Variants in AGBL4 observed in about 807,000 individuals in gnomAD.
AGBL4 encodes AGBL carboxypeptidase 4, also known as cytosolic carboxypeptidase 6.
In AGBL4, 58 loss-of-function variants were observed where a neutral mutation model predicts 66.4. The ratio of observed to expected loss-of-function variants is 0.87; its 90% CI spans 0.71 to 1.09. The LOEUF is 1.09. AGBL4 is among the 50% of genes least tolerant of loss of function. AGBL4 has a pLI of 0.00. For synonymous variants in AGBL4, 234 were observed against 222.9 expected (o/e 1.05, Z -0.44); for missense variants, 579 against 631.0 (o/e 0.92, Z 0.88).
At chr1:48,674,341 C>T (rs1040815836) in intron 6 of AGBL4, among the ~76,000 whole-genome samples, 1 of 152,154 alleles carries the variant, frequency 6.6e-6, no homozygotes, top group Non-Finnish European at 1.5e-5. Flanking sequence ...AGGAATAAGA[C>T]TCAAGAGGTG....
intron 1 of AGBL4, among the ~76,000 whole-genome samples, chr1:49,879,953 C>T (rs1297771927): frequency 1.4e-5 from 2 of 146,228 alleles, no homozygotes; most frequent in African/African-American, 5.1e-5. Context: ...TTGATCGCAT[C>T]GGCTCCTGAG....
chr1:48,878,028 C>T (rs928278192), intron 5 of AGBL4, among the ~76,000 whole-genome samples: 3 of 151,968 alleles, frequency 2.0e-5, no homozygotes, highest in African/African-American at 7.3e-5. Flanking sequence ...TTTCATATTA[C>T]AAGAAATATT....
At chr1:48,594,351 TAAATC>T (rs1644964246) in intron 9 of AGBL4, among the ~76,000 whole-genome samples, 1 of 152,090 alleles carries the variant, frequency 6.6e-6, no homozygotes, top group African/African-American at 2.4e-5. Context: ...AATAATAAAA[TAAATC>T]AATAAAAGTA....
At chr1:48,564,428 C>T (rs1307743976) in intron 11 of AGBL4, among the ~76,000 whole-genome samples, 1 of 151,630 alleles carries the variant, frequency 6.6e-6, no homozygotes, top group Non-Finnish European at 1.5e-5. Context: ...CCCCACCACA[C>T]TAGATGACAT....
intron 3 of AGBL4, among the ~76,000 whole-genome samples, chr1:49,486,726 A>T (rs374820553): frequency 6.6e-6 from 1 of 152,068 alleles, no homozygotes; most frequent in African/African-American, 2.4e-5. Flanking sequence ...GGCGTAAGTA[A>T]TCATTCCTCA....
At chr1:49,852,847 C>T (rs1320121831) in intron 1 of AGBL4, among the ~76,000 whole-genome samples, 1 of 151,856 alleles carries the variant, frequency 6.6e-6, no homozygotes, top group Non-Finnish European at 1.5e-5. Flanking sequence ...ACTCAATCAC[C>T]CCAGCCAGCC....
intron 1 of AGBL4, among the ~76,000 whole-genome samples, chr1:49,992,534 C>T (rs543281229): frequency 1.2e-4 from 18 of 151,542 alleles, no homozygotes; most frequent in Non-Finnish European, 2.1e-4. Context: ...TCATTTCTTA[C>T]CTGGCATACT....
Position 49,465,210 on chromosome 1 carries a change from TACACACACACACACACACACAC to T in AGBL4, c.283-219368_283-219347del, listed in dbSNP as rs3054630. Among the ~76,000 whole-genome samples the T allele has an allele frequency of 2.6e-4, 30 of 116,836 alleles. No homozygotes were observed. In the East Asian group the frequency reaches 2.9e-3, roughly 11 times the overall value. The allele number at this position is 116,836 out of a possible 152,430, so 76.6% of individuals were successfully genotyped here. On this transcript the variant is annotated intron_variant, in intron 3 of 13. Transcript: ENST00000371839. ...CTGTATTCCCTACCCTACCCCTACA[TACACACACACACACACACACAC>T]ACACACACACACACACACACACACA...
chr1:48,539,764 A>G (rs2148261023), intron 11 of AGBL4, 26 bp from the exon 12 acceptor site: 1 of 1,441,264 alleles, frequency 6.9e-7, no homozygotes, highest in African/African-American at 1.4e-5. Context: ...TTAAGGAGCA[A>G]CTTCGAAAAC....
At chr1:49,425,842 AG>A (rs1488515750) in intron 3 of AGBL4, among the ~76,000 whole-genome samples, 2 of 152,234 alleles carry the variant, frequency 1.3e-5, no homozygotes, top group Non-Finnish European at 2.9e-5. Flanking sequence ...TACAGTACAT[AG>A]TCTTTGTCAC....
In AGBL4 at chr1:49,936,529, T is replaced by C. The variant is rs1165678815; in HGVS notation, c.35-85011A>G. 5.9e-5 allele frequency among the ~76,000 whole-genome samples: 9 copies of C among 151,890 alleles called. No individual in the cohort carries two copies. In the South Asian group the frequency reaches 8.3e-4, roughly 14 times the overall value. On this transcript the variant is annotated intron_variant, in intron 1 of 13. Coordinates refer to ENST00000371839, the MANE Select transcript of AGBL4 (RefSeq NM_032785.4). ...TCGAGAAGAGCAACTCCAGGACACATAATTGTCAGATTCACCAAAGTTGAA... is the reference window on the plus strand; with the variant it reads ...TCGAGAAGAGCAACTCCAGGACACACAATTGTCAGATTCACCAAAGTTGAA...
At chr1:48,622,685 T>C (rs1645435763) in intron 9 of AGBL4, among the ~76,000 whole-genome samples, 2 of 152,070 alleles carry the variant, frequency 1.3e-5, no homozygotes, top group Admixed American at 6.6e-5. Context: ...GGTTTCACCA[T>C]GTTGGCCAGG....
At position 49,074,908 on chromosome 1, in the gene AGBL4, G is replaced by A. The variant is rs181687633; in HGVS notation, c.378-29108C>T. ...ATTCCACATCTTGCCCTCAGCTAGC[G>A]AGAGATTCACTCTTTTCCTAAACTC... On this transcript the variant is annotated intron_variant, in intron 4 of 13. Transcript: ENST00000371839. Among the ~76,000 whole-genome samples, 353 of 152,198 alleles carry A rather than the reference G, an allele frequency of 2.3e-3. 3 individuals are homozygous for A. The highest frequency in any genetic ancestry group is 2.9e-3 in the Admixed American group (44 of 15,290).
intron 3 of AGBL4, among the ~76,000 whole-genome samples, chr1:49,639,458 G>A (rs1645739914): frequency 6.6e-6 from 1 of 152,148 alleles, no homozygotes; most frequent in Non-Finnish European, 1.5e-5. Context: ...TCAACAGTCT[G>A]GAGCATATTC....
At chr1:49,890,499 T>C (rs1648533538) in intron 1 of AGBL4, among the ~76,000 whole-genome samples, 1 of 152,176 alleles carries the variant, frequency 6.6e-6, no homozygotes, top group Non-Finnish European at 1.5e-5. Flanking sequence ...CTATGGAATT[T>C]ATATTCTGGT....
At chr1:49,178,349 T>A (rs1394971776) in intron 4 of AGBL4, among the ~76,000 whole-genome samples, 1 of 152,194 alleles carries the variant, frequency 6.6e-6, no homozygotes, top group African/African-American at 2.4e-5. Flanking sequence ...CTAACAGTAA[T>A]ACAGTATCCT....
intron 6 of AGBL4, among the ~76,000 whole-genome samples, chr1:48,741,377 G>A (rs1021396209): frequency 6.6e-6 from 1 of 152,220 alleles, no homozygotes; most frequent in African/African-American, 2.4e-5. Context: ...TAGGACAGAT[G>A]TAGAGCTATG....
chr1:48,559,352 A>C lies in AGBL4; in HGVS notation c.1268-19614T>G, dbSNP rs116626318. ...CAGGAAGATGTGAGGAGGCACATGC[A>C]TGTGTACACACACACAAACATGCAC... On this transcript the variant is annotated intron_variant, in intron 11 of 13. Transcript: ENST00000371839. Among the ~76,000 whole-genome samples, 1,427 of 152,284 alleles carry C rather than the reference A, an allele frequency of 9.4e-3. 23 individuals are homozygous for C. The highest frequency in any genetic ancestry group is 0.032 in the African/African-American group (1,335 of 41,550).
chr1:49,113,436 A>G (rs1167294380), intron 4 of AGBL4, among the ~76,000 whole-genome samples: 1 of 151,802 alleles, frequency 6.6e-6, no homozygotes, highest in Admixed American at 6.6e-5. Flanking sequence ...CTTTTTTAGT[A>G]GAGATGGGGT....
Sources: gnomAD v4.1 joint callset for allele counts (sites outside exome capture counted in the v4.1 genomes callset) on GRCh38, gnomAD v4.1.1 for gene constraint, MANE v1.5 for transcripts, NCBI Gene and HGNC (gene_info 2026-07-23, HGNC 2026-07-21) for gene names.